CEMIP: variants seen among roughly 807,000 people sequenced by gnomAD.
CEMIP encodes the protein cell migration inducing hyaluronidase 1.
CEMIP carries 105 observed loss-of-function variants against 156.9 expected under a neutral mutation model. The ratio of observed to expected loss-of-function variants is 0.67; its 90% CI spans 0.57 to 0.79. The LOEUF (loss-of-function observed/expected upper bound fraction) is 0.79. Ranked by LOEUF, CEMIP falls within the 30% of genes least tolerant of loss-of-function variation. The pLI, the probability that CEMIP is intolerant of heterozygous loss-of-function variation, is 0.00. For missense variants in CEMIP, 1,457 were observed against 1,769.4 expected (o/e 0.82, Z 3.17); for synonymous variants, 676 against 668.4 (o/e 1.01, Z -0.17).
At chr15:80,927,373 A>G (rs1171956211) in intron 19 of CEMIP, among the ~76,000 whole-genome samples, 1 of 152,174 alleles carries the variant, frequency 6.6e-6, no homozygotes, top group Non-Finnish European at 1.5e-5. Context: ...TCATCCCTAG[A>G]GCAGACCCTA....
At chr15:80,825,542 G>T (rs1897015965) in intron 1 of CEMIP, among the ~76,000 whole-genome samples, 1 of 152,168 alleles carries the variant, frequency 6.6e-6, no homozygotes, top group Non-Finnish European at 1.5e-5. Context: ...TGTCTGACCT[G>T]CTATTTAAAC....
chr15:80,841,498 A>T (rs1356324116), intron 1 of CEMIP, among the ~76,000 whole-genome samples: 2 of 152,216 alleles, frequency 1.3e-5, no homozygotes, highest in African/African-American at 4.8e-5. Context: ...GTTGGTACAG[A>T]CATGGGGGAA....
intron 1 of CEMIP, among the ~76,000 whole-genome samples, chr15:80,873,328 A>G (rs2141807965): frequency 6.6e-6 from 1 of 152,326 alleles, no homozygotes; most frequent in East Asian, 1.9e-4. Flanking sequence ...TATGTTTCCA[A>G]TATTATTATC....
In CEMIP at chr15:80,896,067, C is replaced by T. The variant is rs772009474; in HGVS notation, c.1411+7C>T. The T allele has an allele frequency of 6.2e-6, 10 of 1,613,362 alleles. No individual in the cohort carries two copies. Among genetic ancestry groups the T allele is most frequent in the Non-Finnish European group, 7.6e-6 (9 of 1,179,740 alleles). On this transcript the variant is annotated splice_region_variant and intron_variant, in intron 12 of 29. Transcript: ENST00000394685. ...AACCAGGTCAAAGTGGCAGGTAGGA[C>T]TTTTACTAATCCCTTCCTAGACTGG...
At chr15:80,793,954 T>C (rs1896150597) in intron 1 of CEMIP, among the ~76,000 whole-genome samples, 1 of 152,236 alleles carries the variant, frequency 6.6e-6, no homozygotes, top group South Asian at 2.1e-4. Context: ...TAGGGTCATC[T>C]TTGAACTTAA....
chr15:80,866,002 C>T (rs978713593), intron 1 of CEMIP, among the ~76,000 whole-genome samples: 16 of 152,182 alleles, frequency 1.1e-4, no homozygotes, highest in African/African-American at 3.6e-4. Flanking sequence ...ACGATGTGAG[C>T]TGAATGAATA....
chr15:80,905,367 T>C (rs968532497), intron 12 of CEMIP, among the ~76,000 whole-genome samples: 1 of 152,212 alleles, frequency 6.6e-6, no homozygotes, highest in Non-Finnish European at 1.5e-5. Flanking sequence ...CCAACGAATT[T>C]AGAGCCCGCC....
At chr15:80,907,074 C>T (rs1271183561) in intron 13 of CEMIP, among the ~76,000 whole-genome samples, 1 of 151,744 alleles carries the variant, frequency 6.6e-6, no homozygotes, top group Non-Finnish European at 1.5e-5. Context: ...ACAAACAGCT[C>T]TCTGCTCTCG....
At chr15:80,940,692 G>A (rs1305938806) in intron 25 of CEMIP, among the ~76,000 whole-genome samples, 3 of 152,190 alleles carry the variant, frequency 2.0e-5, no homozygotes, top group African/African-American at 7.2e-5. Flanking sequence ...AAGTGGAGGT[G>A]CTACAGAGAG....
chr15:80,899,324 CAG>C (rs1899368224), intron 12 of CEMIP, among the ~76,000 whole-genome samples: 1 of 152,128 alleles, frequency 6.6e-6, no homozygotes, highest in South Asian at 2.1e-4. Context: ...TCCCTGTCCT[CAG>C]GGAGCCTGCA....
intron 8 of CEMIP, among the ~76,000 whole-genome samples, chr15:80,888,238 G>C (rs1898916676): frequency 6.6e-6 from 1 of 152,050 alleles, no homozygotes; most frequent in Admixed American, 6.6e-5. Context: ...CAGGCATGGT[G>C]GTGGGCACCT....
Position 80,922,118 on chromosome 15 carries a change from G to C in CEMIP, c.2183G>C (p.Arg728Pro). The change falls in exon 17 of 30, where the codon CGA (arginine) becomes CCA (proline). Residue 728 changes from arginine (R) to proline (P), a missense_variant. Coordinates refer to ENST00000394685, the MANE Select transcript of CEMIP (RefSeq NM_001293298.2). ...HIPLGKFYNN[R>P]AHSNYRAGMI... The stretch of plus-strand genomic sequence containing the variant: ...CCACTGGGAAAATTCTATAACAACC[G>C]AGCACATTCCAACTACCGGGTAAGT... The C allele has an allele frequency of 6.2e-7, 1 of 1,614,224 alleles. No homozygotes were observed. Among genetic ancestry groups the C allele is most frequent in the Non-Finnish European group, 8.5e-7 (1 of 1,180,038 alleles).
chr15:80,915,209 G>A (rs1900225419), intron 14 of CEMIP, among the ~76,000 whole-genome samples: 1 of 152,194 alleles, frequency 6.6e-6, no homozygotes, highest in South Asian at 2.1e-4. Context: ...CTAATCTTGT[G>A]GCTAATTTGT....
chr15:80,940,644 T>A (rs1291619819), intron 25 of CEMIP, among the ~76,000 whole-genome samples: 1 of 152,342 alleles, frequency 6.6e-6, no homozygotes, highest in East Asian at 1.9e-4. Context: ...TTGATGTGGA[T>A]GGCTTGAAAC....
chr15:80,909,177 G>A lies in CEMIP; in HGVS notation c.1668G>A (p.Pro556=), dbSNP rs377174220. ...GACAGCAGCTGGTGGGTCAGTACCC[G>A]ATTCACTTCCACCTGGCCGGTGATG... ...HMGQQLVGQY[P]IHFHLAGDVD... is the part of the protein sequence containing the mutation. The change falls in exon 14 of 30, where the codon CCG becomes CCA. Residue 556 remains proline, a synonymous_variant. Coordinates refer to ENST00000394685, the MANE Select transcript of CEMIP (RefSeq NM_001293298.2). 7.0e-5 allele frequency: 113 copies of A among 1,614,112 alleles called. No homozygotes were observed. The highest frequency in any genetic ancestry group is 4.9e-4 in the East Asian group (22 of 44,872).
intron 3 of CEMIP, among the ~76,000 whole-genome samples, chr15:80,877,290 C>A (rs1006347880): frequency 1.3e-5 from 2 of 152,162 alleles, no homozygotes; most frequent in African/African-American, 4.8e-5. Context: ...GCTCAAGAGA[C>A]ACCTTCTTTG....
chr15:80,839,324 G>A (rs1897337200), intron 1 of CEMIP, among the ~76,000 whole-genome samples: 1 of 151,224 alleles, frequency 6.6e-6, no homozygotes, highest in Admixed American at 6.6e-5. Context: ...GTGTGTGTGT[G>A]TGTGTGTTTA....
At chr15:80,926,426 T>C (rs1900670591) in intron 19 of CEMIP, among the ~76,000 whole-genome samples, 1 of 152,130 alleles carries the variant, frequency 6.6e-6, no homozygotes, top group Admixed American at 6.5e-5. Flanking sequence ...GTGTTAAAAA[T>C]GGGAAATCAG....
At chr15:80,788,471 C>CAAAAAAAA (rs11320710) in intron 1 of CEMIP, among the ~76,000 whole-genome samples, 2 of 79,300 alleles carry the variant, frequency 2.5e-5, no homozygotes, top group African/African-American at 3.5e-5. Flanking sequence ...AACTCCATCT[C>CAAAAAAAA]AAAAAAAAAA....
Sources: allele counts gnomAD v4.1 joint callset (sites outside exome capture counted in the v4.1 genomes callset), GRCh38; gene constraint gnomAD v4.1.1; transcripts MANE v1.5; gene names NCBI Gene and HGNC (gene_info 2026-07-23, HGNC 2026-07-21).